The following IPO8 variants were observed in gnomAD, a reference collection of about 807,000 sequenced individuals.
IPO8 encodes importin 8.
In IPO8, 65 loss-of-function variants were observed where a neutral mutation model predicts 141.2. That is an observed-to-expected ratio of 0.46 (90% CI 0.38 to 0.57). The LOEUF is 0.57. Among genes scored for constraint, IPO8 ranks in the 20% least tolerant of loss-of-function variants. The pLI, the probability that IPO8 is intolerant of heterozygous loss-of-function variation, is 0.00. For synonymous variants in IPO8, 411 were observed against 420.3 expected (o/e 0.98, Z 0.27); for missense variants, 980 against 1,246.8 (o/e 0.79, Z 3.22).
chr12:30,665,303 A>C lies in IPO8; in HGVS notation c.1345T>G (p.Leu449Val). The change falls in exon 13 of 25, where the codon TTA becomes GTA. Residue 449 changes from leucine (L) to valine (V), a missense_variant. Physicochemically the swap from Leu to Val is conservative, Grantham distance 32. This residue lies in a region of IPO8 where 924 missense variants were observed against 1,153.9 expected (regional missense o/e 0.80). Coordinates refer to ENST00000256079, the MANE Select transcript of IPO8 (RefSeq NM_006390.4). Reference sequence around the variant, plus strand: ...AACAGCTCCATTTGGTCCTTGAATAAACTCTTCTATTAGGAAACAAATTTC... The same window carrying C: ...AACAGCTCCATTTGGTCCTTGAATACACTCTTCTATTAGGAAACAAATTTC... ...SLAEILLKKS[L>V]FKDQMELFLQ... The C allele has an allele frequency of 6.4e-7, 1 of 1,560,562 alleles. No individual in the cohort carries two copies. The highest frequency in any genetic ancestry group is 8.8e-7 in the Non-Finnish European group (1 of 1,137,286).
At position 30,645,112 on chromosome 12, in the gene IPO8, G is replaced by A. The variant is rs186572877; in HGVS notation, c.2268+4025C>T. 3.3e-3 allele frequency among the ~76,000 whole-genome samples: 500 copies of A among 151,558 alleles called. 6 individuals are homozygous for A. The highest frequency in any genetic ancestry group is 0.01 in the Middle Eastern group (3 of 292). On this transcript the variant is annotated intron_variant, in intron 20 of 24. Transcript: ENST00000256079. ...AACCAGGCCAGGTGCGGTGGCTCAC[G>A]CCTGTAATCCCAGCACTTTGGGGGG...
At chr12:30,641,493 C>CTTT (rs58656525) in intron 20 of IPO8, among the ~76,000 whole-genome samples, 24,814 of 134,446 alleles carry the variant, frequency 0.18, 2,432 homozygotes, top group East Asian at 0.28. Flanking sequence ...TAAGCTATTT[C>CTTT]TTTTTTTTTT....
chr12:30,651,086 A>G (rs10843801), intron 19 of IPO8, among the ~76,000 whole-genome samples: 48,731 of 151,918 alleles, frequency 0.32, 8,637 homozygotes, highest in African/African-American at 0.47. Flanking sequence ...CAATTTTACT[A>G]TATCTGCAAA....
intron 5 of IPO8, among the ~76,000 whole-genome samples, chr12:30,679,914 T>A (rs1446195088): frequency 5.3e-5 from 8 of 152,210 alleles, no homozygotes. Context: ...ATTTTTATAT[T>A]TCAAACATAT....
chr12:30,663,767 C>A, intron 13 of IPO8, 113 bp from the exon 14 acceptor site: 1 of 821,558 alleles, frequency 1.2e-6, no homozygotes. Flanking sequence ...GAAATGTTTG[C>A]TTTTGGGGTA....
Position 30,670,992 on chromosome 12 carries a change from T to A in IPO8, c.1014A>T (p.Ile338=). The A allele has an allele frequency of 6.2e-7, 1 of 1,613,888 alleles. No homozygotes were observed. The highest frequency in any genetic ancestry group is 8.5e-7 in the Non-Finnish European group (1 of 1,179,834). The change falls in exon 9 of 25, where the codon ATA becomes ATT. Residue 338 remains isoleucine (I), a synonymous_variant. Coordinates refer to ENST00000256079, the MANE Select transcript of IPO8 (RefSeq NM_006390.4). ...NYLNQGVVHS[I]TWKQMKPHIQ... Reference sequence around the variant, plus strand: ...TGTGTGGCTTCATCTGCTTCCAGGTTATAGAATGAACCACCCCTTGGTTGA... The same window carrying A: ...TGTGTGGCTTCATCTGCTTCCAGGTAATAGAATGAACCACCCCTTGGTTGA...
intron 2 of IPO8, among the ~76,000 whole-genome samples, chr12:30,685,501 TGTG>T (rs1408256595): frequency 2.0e-5 from 1 of 49,204 alleles, no homozygotes; most frequent in Admixed American, 1.4e-4. Context: ...CTTATAATGT[TGTG>T]TGTGTGTGTG....
chr12:30,694,783 T>C (rs548342421), intron 1 of IPO8, among the ~76,000 whole-genome samples: 28 of 152,280 alleles, frequency 1.8e-4, no homozygotes, highest in African/African-American at 6.5e-4. Flanking sequence ...TCCCTACTTT[T>C]TAGTAAGAGG....
chr12:30,667,805 T>C (rs1256506257), intron 10 of IPO8, among the ~76,000 whole-genome samples: 1 of 152,164 alleles, frequency 6.6e-6, no homozygotes, highest in African/African-American at 2.4e-5. Flanking sequence ...GAAGAATATA[T>C]AAATAATGGT....
intron 17 of IPO8, among the ~76,000 whole-genome samples, chr12:30,656,124 C>A (rs1488088159): frequency 6.6e-6 from 1 of 152,222 alleles, no homozygotes; most frequent in Admixed American, 6.5e-5. Context: ...GCAGCCTCTA[C>A]CTGCCAGGCT....
At chr12:30,685,024 A>G (rs1033459018) in intron 2 of IPO8, among the ~76,000 whole-genome samples, 4 of 152,246 alleles carry the variant, frequency 2.6e-5, no homozygotes, top group African/African-American at 9.6e-5. Context: ...ATCAAAATAC[A>G]TAATCTGATT....
At chr12:30,674,618 TACTGGC>T in intron 7 of IPO8, 35 bp downstream of exon 7, 2 of 1,345,960 alleles carry the variant, frequency 1.5e-6, no homozygotes, top group Non-Finnish European at 2.1e-6. Context: ...GATACTGAGA[TACTGGC>T]TGTATGATCA....
chr12:30,679,801 G>C (rs2053165760), intron 5 of IPO8, among the ~76,000 whole-genome samples: 1 of 152,138 alleles, frequency 6.6e-6, no homozygotes, highest in Non-Finnish European at 1.5e-5. Context: ...GCATGTAATA[G>C]AGTTTAATTC....
At chr12:30,688,108 T>C (rs1046671604) in intron 2 of IPO8, among the ~76,000 whole-genome samples, 9 of 152,166 alleles carry the variant, frequency 5.9e-5, no homozygotes, top group Non-Finnish European at 1.2e-4. Context: ...CTAAAGAGTC[T>C]CTTCAGATGT....
chr12:30,671,241 C>A, intron 8 of IPO8, 145 bp from the exon 9 acceptor site: 1 of 585,698 alleles, frequency 1.7e-6, no homozygotes, highest in Non-Finnish European at 3.0e-6. Flanking sequence ...TAAGAAAGCT[C>A]AGATAAACAG....
rs747950334 is a variant in IPO8, at chr12:30,656,692, T to C, written c.1940A>G (p.His647Arg). ...TTAACCTTTGAACTTACCAATTACA[T>C]GTTTCTGCAGAACAAGATCAATGAT... ...LRIIDLVLQK[H>R]VIEFYEEILS... The change falls in exon 17 of 25, where the codon CAT becomes CGT. Residue 647 changes from histidine (H) to arginine (R), a missense_variant. This residue lies in a region of IPO8 where 924 missense variants were observed against 1,153.9 expected (regional missense o/e 0.80). Transcript: ENST00000256079. 4.5e-6 allele frequency: 7 copies of C among 1,552,428 alleles called. No homozygotes were observed. The East Asian group carries it at 1.4e-4, about 31-fold the overall frequency.
At chr12:30,652,149 A>T (rs1490622776) in intron 19 of IPO8, 43 bp downstream of exon 19, 1 of 1,127,404 alleles carries the variant, frequency 8.9e-7, no homozygotes, top group Admixed American at 2.0e-5. Flanking sequence ...ACAGGCAAAC[A>T]TTAGTTAAGA....
intron 6 of IPO8, 48 bp downstream of exon 6, chr12:30,676,450 A>G (rs370358752): frequency 1.9e-4 from 259 of 1,354,332 alleles, no homozygotes; most frequent in Admixed American, 7.8e-4. Context: ...TACCGCAAAC[A>G]TTCCAAACCC....
At chr12:30,685,052 A>C (rs77286131) in intron 2 of IPO8, among the ~76,000 whole-genome samples, 3,283 of 152,288 alleles carry the variant, frequency 0.022, 104 homozygotes, top group African/African-American at 0.074. Flanking sequence ...GTTCTTTTTA[A>C]TCGTCTTCAA....
Sources: gnomAD v4.1 joint callset for allele counts (sites outside exome capture counted in the v4.1 genomes callset) on GRCh38, gnomAD v4.1.1 for gene constraint, gnomAD v4.1.1 regional missense constraint, MANE v1.5 for transcripts, NCBI Gene and HGNC (gene_info 2026-07-23, HGNC 2026-07-21) for gene names.